The following AKAIN1 variants were observed in gnomAD, a reference collection of about 807,000 sequenced individuals.
The protein encoded by AKAIN1 is A-kinase anchor inhibitor 1.
Under a neutral mutation model 3.7 loss-of-function variants are expected in AKAIN1, and 3 were observed. The observed-to-expected ratio is 0.82, with a 90% confidence interval of 0.37 to 2.12. The LOEUF (loss-of-function observed/expected upper bound fraction) is 2.12, where lower values mean the gene tolerates loss of function less well. Among genes scored for constraint, AKAIN1 ranks in the 30% most tolerant of loss-of-function variants. The probability of loss-of-function intolerance (pLI) is 0.06; values close to 1 mark genes in which losing one functional copy is unlikely to be tolerated. For synonymous variants in AKAIN1, 31 were observed against 30.8 expected (o/e 1.01, Z -0.02); for missense variants, 82 against 82.7 (o/e 0.99, Z 0.03).
intron 1 of AKAIN1, among the ~76,000 whole-genome samples, chr18:5,175,079 T>A (rs923544869): frequency 1.3e-5 from 2 of 152,160 alleles, no homozygotes; most frequent in African/African-American, 4.8e-5. Context: ...GCCATTGCTG[T>A]CTTAAAATTC....
intron 1 of AKAIN1, among the ~76,000 whole-genome samples, chr18:5,182,839 C>A (rs1479197892): frequency 6.6e-6 from 1 of 152,084 alleles, no homozygotes; most frequent in African/African-American, 2.4e-5. Flanking sequence ...TCCAGGAGTA[C>A]ATGAAGAATC....
At position 5,143,537 on chromosome 18, in the gene AKAIN1, G is replaced by A. The variant is rs1183407547; in HGVS notation, c.*2025C>T. Among the ~76,000 whole-genome samples, 1 of 152,202 alleles carries A rather than the reference G, an allele frequency of 6.6e-6. No individual in the cohort carries two copies. The highest frequency in any genetic ancestry group is 1.5e-5 in the Non-Finnish European group (1 of 68,034). On this transcript the variant is annotated 3_prime_UTR_variant, in exon 2 of 2. Transcript: ENST00000434239. ...ATGGCTGTCCTCACACAGTCACAGT[G>A]AAGGGCCCATTAAGGAAGCACTTCC...
At chr18:5,148,744 C>A (rs453685) in intron 1 of AKAIN1, among the ~76,000 whole-genome samples, 1 of 151,870 alleles carries the variant, frequency 6.6e-6, no homozygotes, top group Non-Finnish European at 1.5e-5. Context: ...GTAGTCCCAG[C>A]TGCTTGGGAG....
At chr18:5,155,068 G>T (rs1459287365) in intron 1 of AKAIN1, among the ~76,000 whole-genome samples, 2 of 152,046 alleles carry the variant, frequency 1.3e-5, no homozygotes, top group Non-Finnish European at 2.9e-5. Flanking sequence ...AACAAGACCT[G>T]TCCCACTTCC....
At chr18:5,145,791 G>T in intron 1 of AKAIN1, 36 bp from the exon 2 acceptor site, 4 of 1,517,648 alleles carry the variant, frequency 2.6e-6, no homozygotes, top group Non-Finnish European at 3.6e-6. Flanking sequence ...GAAAAGGAGA[G>T]AAATTAATTT....
intron 1 of AKAIN1, among the ~76,000 whole-genome samples, chr18:5,146,869 G>T (rs1249583976): frequency 6.7e-6 from 1 of 149,686 alleles, no homozygotes. Context: ...TTTGGCCCAT[G>T]GGCCAGTTTG....
intron 1 of AKAIN1, among the ~76,000 whole-genome samples, chr18:5,148,886 AAATAAAACTC>A (rs2071064408): frequency 6.6e-6 from 1 of 152,110 alleles, no homozygotes; most frequent in Non-Finnish European, 1.5e-5. Flanking sequence ...AAATAAATAA[AAATAAAACTC>A]AATAAGGTTC....
chr18:5,172,073 G>A (rs536958439), intron 1 of AKAIN1, among the ~76,000 whole-genome samples: 84 of 152,292 alleles, frequency 5.5e-4, no homozygotes, highest in Non-Finnish European at 1.1e-3. Context: ...ATTGTGTTAA[G>A]TGAAATAAGC....
At chr18:5,174,738 CA>C (rs113082512) in intron 1 of AKAIN1, among the ~76,000 whole-genome samples, 57 of 144,860 alleles carry the variant, frequency 3.9e-4, no homozygotes, top group African/African-American at 4.0e-4. Flanking sequence ...GAGATTCTGT[CA>C]AAAAAAAAAA....
chr18:5,188,326 G>A (rs981736946), intron 1 of AKAIN1, among the ~76,000 whole-genome samples: 5 of 151,968 alleles, frequency 3.3e-5, no homozygotes, highest in African/African-American at 1.2e-4. Flanking sequence ...ACTTGGCATT[G>A]CCCTACTGAG....
At chr18:5,194,595 A>G (rs1011435221) in intron 1 of AKAIN1, among the ~76,000 whole-genome samples, 2 of 152,208 alleles carry the variant, frequency 1.3e-5, no homozygotes, top group Admixed American at 6.5e-5. Context: ...CAGGAGAATC[A>G]TTCAAAGGGA....
intron 1 of AKAIN1, 24 bp from the exon 2 acceptor site, chr18:5,145,779 G>A (rs1567870045): frequency 6.5e-7 from 1 of 1,536,220 alleles, no homozygotes; most frequent in African/African-American, 1.4e-5. Flanking sequence ...TGAAAAGGAG[G>A]GGAAAAGGAG....
At chr18:5,187,898 C>T (rs2071296558) in intron 1 of AKAIN1, among the ~76,000 whole-genome samples, 1 of 152,044 alleles carries the variant, frequency 6.6e-6, no homozygotes, top group Non-Finnish European at 1.5e-5. Flanking sequence ...TGTGATTTAC[C>T]TTGAGGCAAA....
At chr18:5,191,208 A>G (rs1030868764) in intron 1 of AKAIN1, among the ~76,000 whole-genome samples, 5 of 152,202 alleles carry the variant, frequency 3.3e-5, no homozygotes, top group African/African-American at 1.2e-4. Flanking sequence ...TTAGAAAAGA[A>G]GAAATAAAAC....
At chr18:5,187,941 CA>C (rs1246508805) in intron 1 of AKAIN1, among the ~76,000 whole-genome samples, 1 of 152,054 alleles carries the variant, frequency 6.6e-6, no homozygotes, top group African/African-American at 2.4e-5. Context: ...GAAATCAAAA[CA>C]AGTTACCTAT....
rs1008040565 is a variant in AKAIN1 at position 5,154,016 on chromosome 18, G to A, written c.17-8261C>T. On this transcript the variant is annotated intron_variant, in intron 1 of 1. Coordinates refer to ENST00000434239, the MANE Select transcript of AKAIN1 (RefSeq NM_001145194.2). ...GGAGGCTGGGGCGGGAGGATCACTT[G>A]TGTCTGGGAGATCGAGACCAGCCTA... Among the ~76,000 whole-genome samples the A allele has an allele frequency of 1.1e-4, 17 of 152,178 alleles. 1 individual carries two copies. Among genetic ancestry groups the A allele is most frequent in the Admixed American group, 9.8e-4 (15 of 15,278 alleles).
upstream of AKAIN1, among the ~76,000 whole-genome samples, chr18:5,197,668 A>G (rs1027149350): frequency 6.6e-6 from 1 of 151,918 alleles, no homozygotes; most frequent in Admixed American, 6.6e-5. This position sits in a 1 kb window ranked among gnomAD's most constrained non-coding sequence, Gnocchi z 6.9. Context: ...TCAGGAAGAG[A>G]GCAAGAGGAA....
chr18:5,154,090 T>C (rs186411871), intron 1 of AKAIN1, among the ~76,000 whole-genome samples: 1 of 152,182 alleles, frequency 6.6e-6, no homozygotes, highest in African/African-American at 2.4e-5. Flanking sequence ...AAAATAAATT[T>C]ATAAAAAGTA....
intron 1 of AKAIN1, chr18:5,163,731 G>C (rs2071152568): frequency 6.6e-6 from 1 of 152,004 alleles, no homozygotes; most frequent in Admixed American, 6.6e-5. Flanking sequence ...GGACTGAATT[G>C]AAATGGCTTC....
Sources: gnomAD v4.1 joint callset for allele counts (sites outside exome capture counted in the v4.1 genomes callset) on GRCh38, gnomAD v4.1.1 for gene constraint, Gnocchi (gnomAD v3.1) non-coding constraint, MANE v1.5 for transcripts, NCBI Gene and HGNC (gene_info 2026-07-23, HGNC 2026-07-21) for gene names.